ZEB2: variants seen among roughly 807,000 people sequenced by gnomAD.
ZEB2 encodes zinc finger E-box-binding homeobox 2.
A neutral mutation model predicts 99.9 loss-of-function variants in ZEB2; 6 were observed. The observed-to-expected ratio is 0.06, with a 90% CI of 0.03 to 0.12. The LOEUF (loss-of-function observed/expected upper bound fraction) is 0.12. Among genes scored for constraint, ZEB2 ranks in the 10% least tolerant of loss-of-function variants. The probability of loss-of-function intolerance (pLI) is 1.00; values close to 1 mark genes in which losing one functional copy is unlikely to be tolerated. For synonymous variants in ZEB2, 517 were observed against 542.5 expected, an observed-to-expected ratio of 0.95 and a Z score of 0.65; for missense variants, 969 against 1,502.8, an observed-to-expected ratio of 0.64 and a Z score of 5.87.
chr2:144,444,287 G>T (rs1257839796), intron 2 of ZEB2, among the ~76,000 whole-genome samples: 4 of 152,160 alleles, frequency 2.6e-5, no homozygotes, highest in African/African-American at 7.2e-5. Context: ...AGGCCCTTTA[G>T]AATACTATAC....
At chr2:144,417,229 AT>A (rs979425422) in intron 4 of ZEB2, among the ~76,000 whole-genome samples, 14 of 151,616 alleles carry the variant, frequency 9.2e-5, no homozygotes, top group Non-Finnish European at 1.5e-4. Flanking sequence ...TGTCATTATG[AT>A]TTTTTTTTAT....
At chr2:144,472,907 C>T (rs1242860263) in intron 2 of ZEB2, among the ~76,000 whole-genome samples, 1 of 152,068 alleles carries the variant, frequency 6.6e-6, no homozygotes, top group African/African-American at 2.4e-5. Flanking sequence ...ATGAAGTGAA[C>T]ATTAGAAGCC....
chr2:144,502,829 G>T (rs1391264741), intron 2 of ZEB2, among the ~76,000 whole-genome samples: 1 of 151,338 alleles, frequency 6.6e-6, no homozygotes, highest in Non-Finnish European at 1.5e-5. Flanking sequence ...CTTAAATAGG[G>T]CTCACTTTAA....
In ZEB2 at chr2:144,399,094, T is replaced by C. The variant is rs780113721; in HGVS notation, c.2093A>G (p.Tyr698Cys). 3 of 1,614,110 alleles carry C rather than the reference T, an allele frequency of 1.9e-6. No individual in the cohort carries two copies. The highest frequency in any genetic ancestry group is 2.5e-6 in the Non-Finnish European group (3 of 1,180,012). The change falls in exon 8 of 10, where the codon TAC becomes TGC. Residue 698 changes from tyrosine (Y) to cysteine (C), a missense_variant. By Grantham distance (194) the Tyr-to-Cys change is radical. Around this residue, in one of 8 missense-constraint regions of ZEB2, gnomAD observed 346 missense variants for 460.0 expected, o/e 0.75. Coordinates refer to ENST00000627532, the MANE Select transcript of ZEB2 (RefSeq NM_014795.4). The surrounding 1 kb of genome is among the most constrained non-coding windows in gnomAD (Gnocchi z 5.6). ...TGGGGACCTGGAATTTGAGTACTGG[T>C]AGACTTTTCGTTGTTCAAACCATTC... The part of the protein sequence containing the change: ...VKEWFEQRKV[Y>C]QYSNSRSPSL...
intron 9 of ZEB2, 121 bp from the exon 10 acceptor site, chr2:144,390,149 C>T (rs2149872791): frequency 9.6e-7 from 1 of 1,046,440 alleles, no homozygotes; most frequent in Admixed American, 2.0e-5. Flanking sequence ...GAAAGATCAA[C>T]ACACCCCGGT....
chr2:144,390,444 G>A (rs545425385), intron 9 of ZEB2: 75 of 305,394 alleles, frequency 2.5e-4, no homozygotes, highest in African/African-American at 1.5e-3. Context: ...TGGCATCATC[G>A]CTGGCATTGG....
chr2:144,455,745 G>GTC lies in ZEB2; in HGVS notation c.74-25721_74-25720dup, dbSNP rs201009028. On this transcript the variant is annotated intron_variant, in intron 2 of 9. Coordinates refer to ENST00000627532, the MANE Select transcript of ZEB2 (RefSeq NM_014795.4). ...GAATTTTGGTCAAAATGTTTCTCTC[G>GTC]TCTCTCTCTCTTTCTCTTTCTCTCC... is the stretch of plus-strand genomic sequence containing the variant. Among the ~76,000 whole-genome samples, 922 of 151,846 alleles carry GTC rather than the reference G, an allele frequency of 6.1e-3. 14 individuals are homozygous for GTC. Among genetic ancestry groups the GTC allele is most frequent in the African/African-American group, 0.021 (887 of 41,420 alleles).
chr2:144,512,206 A>G, intron 2 of ZEB2: 1 of 1,287,280 alleles, frequency 7.8e-7, no homozygotes, highest in African/African-American at 1.5e-5. Flanking sequence ...TGTGACAGGC[A>G]CAAAATAGTG....
intron 2 of ZEB2, among the ~76,000 whole-genome samples, chr2:144,437,415 T>A (rs1331623178): frequency 6.6e-6 from 1 of 152,150 alleles, no homozygotes; most frequent in Non-Finnish European, 1.5e-5. Flanking sequence ...TCCAACAATA[T>A]GTCAAAAGGA....
At chr2:144,423,210 T>C (rs1703643784) in intron 4 of ZEB2, among the ~76,000 whole-genome samples, 1 of 152,194 alleles carries the variant, frequency 6.6e-6, no homozygotes, top group Admixed American at 6.5e-5. Flanking sequence ...GCTAGTAAAT[T>C]GTTACTTTGT....
At chr2:144,464,049 C>T (rs189005223) in intron 2 of ZEB2, 1 of 152,240 alleles carries the variant, frequency 6.6e-6, no homozygotes, top group Non-Finnish European at 1.5e-5. Flanking sequence ...ATACAAAACA[C>T]TTACTTAGTC....
intron 2 of ZEB2, among the ~76,000 whole-genome samples, chr2:144,440,643 G>A (rs1055568763): frequency 6.6e-6 from 1 of 151,172 alleles, no homozygotes; most frequent in Admixed American, 6.6e-5. Context: ...TCACACGCAT[G>A]GTGTGCCTTG....
intron 2 of ZEB2, chr2:144,496,446 G>GA (rs1323188174): frequency 2.0e-5 from 3 of 152,058 alleles, no homozygotes; most frequent in African/African-American, 7.2e-5. Flanking sequence ...AGTAATGAAA[G>GA]AAAAAATAAA....
At chr2:144,454,195 C>T (rs999544879) in intron 2 of ZEB2, among the ~76,000 whole-genome samples, 2 of 152,134 alleles carry the variant, frequency 1.3e-5, no homozygotes, top group African/African-American at 2.4e-5. Context: ...AAAGATGTTG[C>T]TTCGTATTTG....
intron 2 of ZEB2, chr2:144,512,496 A>C: frequency 7.8e-7 from 1 of 1,287,240 alleles, no homozygotes; most frequent in Non-Finnish European, 1.0e-6. Flanking sequence ...CAAATTAAGA[A>C]GGAAGGGAAA....
chr2:144,409,448 C>T (rs1052973354), intron 4 of ZEB2, among the ~76,000 whole-genome samples: 3 of 152,038 alleles, frequency 2.0e-5, no homozygotes, highest in African/African-American at 7.2e-5. Flanking sequence ...CCTCATTTTC[C>T]TTCTTTCTGT....
At chr2:144,460,634 A>G (rs1704180326) in intron 2 of ZEB2, among the ~76,000 whole-genome samples, 1 of 152,120 alleles carries the variant, frequency 6.6e-6, no homozygotes, top group African/African-American at 2.4e-5. Flanking sequence ...TTTTTTAAGG[A>G]AAAAGAAACC....
At chr2:144,422,878 C>G (rs1703639036) in intron 4 of ZEB2, among the ~76,000 whole-genome samples, 1 of 152,146 alleles carries the variant, frequency 6.6e-6, no homozygotes. Context: ...GCAGGTTTAT[C>G]ACATATTTTC....
intron 2 of ZEB2, chr2:144,464,353 T>C (rs1211962733): frequency 2.0e-5 from 3 of 152,192 alleles, no homozygotes; most frequent in Non-Finnish European, 4.4e-5. Context: ...CTACAAATAT[T>C]AAATAATCAA....
Sources: gnomAD v4.1 joint callset for allele counts (sites outside exome capture counted in the v4.1 genomes callset) on GRCh38, gnomAD v4.1.1 for gene constraint, gnomAD v4.1.1 regional missense constraint, Gnocchi (gnomAD v3.1) non-coding constraint, MANE v1.5 for transcripts, NCBI Gene and HGNC (gene_info 2026-07-23, HGNC 2026-07-21) for gene names.